RAB3C: variants seen among roughly 807,000 people sequenced by gnomAD.
The protein encoded by RAB3C is ras-related protein Rab-3C.
A neutral mutation model predicts 26.4 loss-of-function variants in RAB3C; 17 were observed. The ratio of observed to expected loss-of-function variants is 0.64; its 90% CI spans 0.44 to 0.97. The LOEUF is 0.97. Among genes scored for constraint, RAB3C ranks in the 50% least tolerant of loss-of-function variants. The pLI is 0.00. For synonymous variants in RAB3C, 91 were observed against 95.9 expected, an observed-to-expected ratio of 0.95 and a Z score of 0.30; for missense variants, 242 against 281.9, an observed-to-expected ratio of 0.86 and a Z score of 1.01.
chr5:58,595,434 G>T (rs979161108), intron 1 of RAB3C, among the ~76,000 whole-genome samples: 3 of 152,084 alleles, frequency 2.0e-5, no homozygotes, highest in Admixed American at 6.6e-5. Context: ...AGCAGCTGGT[G>T]GAGAGCTCTA....
intron 3 of RAB3C, chr5:58,817,160 G>C (rs1206808680): frequency 2.6e-5 from 4 of 152,178 alleles, no homozygotes; most frequent in Non-Finnish European, 1.5e-5. Context: ...TAATGACTAA[G>C]TAAGAACTGT....
intron 2 of RAB3C, among the ~76,000 whole-genome samples, chr5:58,637,718 A>G (rs550224272): frequency 6.6e-6 from 1 of 152,266 alleles, no homozygotes; most frequent in South Asian, 2.1e-4. Context: ...TTAAAAGTAC[A>G]TATGTTCATT....
chr5:58,837,995 C>A (rs1743788075), intron 4 of RAB3C, among the ~76,000 whole-genome samples: 1 of 152,140 alleles, frequency 6.6e-6, no homozygotes, highest in African/African-American at 2.4e-5. Flanking sequence ...TTTGATGTCT[C>A]CTTTTTGTCT....
Position 58,824,852 on chromosome 5 carries a change from A to C in RAB3C, c.372-186A>C, listed in dbSNP as rs547710433. On this transcript the variant is annotated intron_variant, in intron 3 of 4. Transcript: ENST00000282878. ...GTTCCCTTGATTTTTGACTCATGCA[A>C]TCTCTGATGAGTATCTGAAGGGTAA... is the stretch of plus-strand genomic sequence containing the variant. Among the ~76,000 whole-genome samples the C allele has an allele frequency of 2.0e-5, 3 of 152,302 alleles. No individual in the cohort carries two copies. The East Asian group carries it at 5.8e-4, about 29-fold the overall frequency.
At chr5:58,672,077 G>A (rs1479910613) in intron 2 of RAB3C, among the ~76,000 whole-genome samples, 1 of 152,130 alleles carries the variant, frequency 6.6e-6, no homozygotes, top group African/African-American at 2.4e-5. Flanking sequence ...CTTTTAAGAT[G>A]TCTCACTATA....
At chr5:58,598,995 C>A (rs1484644520) in intron 1 of RAB3C, among the ~76,000 whole-genome samples, 6 of 152,056 alleles carry the variant, frequency 3.9e-5, no homozygotes, top group African/African-American at 1.2e-4. Flanking sequence ...TTGCTCATCT[C>A]GCTATTCTTA....
chr5:58,805,593 A>C (rs1742922248), intron 3 of RAB3C, among the ~76,000 whole-genome samples: 1 of 144,574 alleles, frequency 6.9e-6, no homozygotes. Context: ...CCATCTGAAA[A>C]AAAAAAAAAA....
intron 4 of RAB3C, among the ~76,000 whole-genome samples, chr5:58,836,393 T>C (rs1054840047): frequency 6.6e-6 from 1 of 152,202 alleles, no homozygotes; most frequent in Non-Finnish European, 1.5e-5. Flanking sequence ...GAACGTTCAG[T>C]ATTCTCCTTC....
At chr5:58,586,610 A>T (rs1003994154) in intron 1 of RAB3C, among the ~76,000 whole-genome samples, 15 of 152,142 alleles carry the variant, frequency 9.9e-5, no homozygotes, top group African/African-American at 3.6e-4. Context: ...ATTGTCTCTG[A>T]CTAAATGCTT....
intron 3 of RAB3C, among the ~76,000 whole-genome samples, chr5:58,739,447 A>G (rs1181029732): frequency 6.6e-6 from 1 of 152,220 alleles, no homozygotes; most frequent in Non-Finnish European, 1.5e-5. Context: ...TTTGCAGTGC[A>G]GTTAATTAAG....
At chr5:58,824,272 G>T (rs1352179060) in intron 3 of RAB3C, among the ~76,000 whole-genome samples, 1 of 148,110 alleles carries the variant, frequency 6.8e-6, no homozygotes, top group Non-Finnish European at 1.5e-5. Context: ...GGCTAAGCAG[G>T]TTTAAAAAAA....
chr5:58,847,810 T>G (rs558720487), intron 4 of RAB3C, among the ~76,000 whole-genome samples: 37 of 152,278 alleles, frequency 2.4e-4, no homozygotes, highest in Middle Eastern at 3.4e-3. Flanking sequence ...TGACAAGAGA[T>G]CCCAGCATAT....
At chr5:58,622,419 A>G (rs1746958165) in intron 2 of RAB3C, among the ~76,000 whole-genome samples, 2 of 152,144 alleles carry the variant, frequency 1.3e-5, no homozygotes, top group Non-Finnish European at 2.9e-5. Flanking sequence ...GCATCAGAAT[A>G]CAAAAAATAA....
At chr5:58,793,531 C>CA (rs55868904) in intron 3 of RAB3C, among the ~76,000 whole-genome samples, 1,689 of 68,758 alleles carry the variant, frequency 0.025, 32 homozygotes, top group East Asian at 0.065. Context: ...CACTCCACCT[C>CA]AAAAAAAAAA....
At chr5:58,850,659 T>G (rs1744095981) in intron 4 of RAB3C, among the ~76,000 whole-genome samples, 1 of 152,160 alleles carries the variant, frequency 6.6e-6, no homozygotes, top group Non-Finnish European at 1.5e-5. Context: ...TTAAATTGAT[T>G]TAAAAAATTG....
chr5:58,719,811 A>G lies in RAB3C; in HGVS notation c.253-6191A>G, dbSNP rs147017187. ...GGCCCATTTTAATCCAAAGTGACCTACCTACTGGGTACAGGGTATACTGCT... is the reference window on the plus strand; with the variant it reads ...GGCCCATTTTAATCCAAAGTGACCTGCCTACTGGGTACAGGGTATACTGCT... On this transcript the variant is annotated intron_variant, in intron 2 of 4. Coordinates refer to ENST00000282878, the MANE Select transcript of RAB3C (RefSeq NM_138453.4). Among the ~76,000 whole-genome samples, 138 of 152,014 alleles carry G rather than the reference A, an allele frequency of 9.1e-4. 5 individuals carry two copies. In the East Asian group the frequency reaches 0.024, roughly 27 times the overall value.
intron 1 of RAB3C, among the ~76,000 whole-genome samples, chr5:58,599,957 A>G (rs982904026): frequency 3.3e-5 from 5 of 152,064 alleles, no homozygotes; most frequent in African/African-American, 1.2e-4. Flanking sequence ...TTCCAATGTT[A>G]TCTTCTACAT....
intron 2 of RAB3C, among the ~76,000 whole-genome samples, chr5:58,725,604 G>T (rs958019316): frequency 9.9e-5 from 15 of 152,038 alleles, no homozygotes; most frequent in African/African-American, 3.4e-4. Context: ...TTTGGTAGAA[G>T]AAATAAGATG....
chr5:58,710,084 A>G (rs1749025914), intron 2 of RAB3C, among the ~76,000 whole-genome samples: 1 of 152,184 alleles, frequency 6.6e-6, no homozygotes, highest in Non-Finnish European at 1.5e-5. Flanking sequence ...AATAGGCTTA[A>G]TATTTTTTAC....
Sources: gnomAD v4.1 joint callset for allele counts (sites outside exome capture counted in the v4.1 genomes callset) on GRCh38, gnomAD v4.1.1 for gene constraint, MANE v1.5 for transcripts, NCBI Gene and HGNC (gene_info 2026-07-23, HGNC 2026-07-21) for gene names.